Variants in MYO1D observed in about 807,000 individuals in gnomAD.
MYO1D encodes unconventional myosin-Id.
In MYO1D, 83 loss-of-function variants were observed where a neutral mutation model predicts 122.0. That is an observed-to-expected ratio of 0.68 (90% CI 0.57 to 0.82). The LOEUF (loss-of-function observed/expected upper bound fraction) is 0.82. Among genes scored for constraint, MYO1D ranks in the 40% least tolerant of loss-of-function variants. The pLI, the probability that MYO1D is intolerant of heterozygous loss-of-function variation, is 0.00. For missense variants in MYO1D, 1,157 were observed against 1,269.5 expected (o/e 0.91, Z 1.35); for synonymous variants, 464 against 446.9 (o/e 1.04, Z -0.48).
chr17:32,601,100 C>T (rs2087557311), intron 21 of MYO1D, among the ~76,000 whole-genome samples: 2 of 152,106 alleles, frequency 1.3e-5, no homozygotes, highest in South Asian at 4.2e-4. Context: ...GCTTGACTAA[C>T]TTTTAAATTT....
intron 14 of MYO1D, among the ~76,000 whole-genome samples, chr17:32,721,583 T>C (rs578045942): frequency 3.3e-5 from 5 of 152,338 alleles, no homozygotes; most frequent in South Asian, 4.1e-4. Flanking sequence ...GGACATTCTT[T>C]GTTAATGTTA....
At chr17:32,536,271 G>A (rs1242427594) in intron 21 of MYO1D, among the ~76,000 whole-genome samples, 1 of 152,110 alleles carries the variant, frequency 6.6e-6, no homozygotes, top group East Asian at 1.9e-4. Context: ...CTGACCTCAA[G>A]TGATCCATCC....
chr17:32,873,188 A>C (rs1250734405), intron 1 of MYO1D, among the ~76,000 whole-genome samples: 1 of 152,218 alleles, frequency 6.6e-6, no homozygotes, highest in African/African-American at 2.4e-5. Flanking sequence ...CCTCTCTACA[A>C]AAAAATGTTG....
intron 19 of MYO1D, among the ~76,000 whole-genome samples, chr17:32,645,640 C>A (rs1479049501): frequency 1.3e-5 from 2 of 152,070 alleles, no homozygotes; most frequent in African/African-American, 4.8e-5. Context: ...CTTCTCACTT[C>A]ATTTCATTCA....
chr17:32,875,579 T>A (rs1340958265), intron 1 of MYO1D, among the ~76,000 whole-genome samples: 2 of 152,184 alleles, frequency 1.3e-5, no homozygotes, highest in African/African-American at 4.8e-5. Flanking sequence ...TTATAGCTGA[T>A]GTAGAGGTAT....
intron 6 of MYO1D, among the ~76,000 whole-genome samples, chr17:32,769,426 T>C (rs962568002): frequency 2.6e-5 from 4 of 152,300 alleles, no homozygotes; most frequent in Non-Finnish European, 4.4e-5. Flanking sequence ...TTTCTTGTTA[T>C]GCTAGATAAT....
rs899649299 is a variant in MYO1D at position 32,581,717 on chromosome 17, T to A, written c.2864+23370A>T. 2.0e-5 allele frequency among the ~76,000 whole-genome samples: 3 copies of A among 151,352 alleles called. 1 individual carries two copies. The South Asian group carries it at 6.3e-4, about 32-fold the overall frequency. On this transcript the variant is annotated intron_variant, in intron 21 of 21. Transcript: ENST00000318217. ...CCTCCTAACTAGCTGAGAATACAGG[T>A]GCACACCATCATACCTGGCTAATTT... is the stretch of plus-strand genomic sequence containing the variant.
In MYO1D at chr17:32,852,462, C is replaced by A. The variant is rs181154462; in HGVS notation, c.95+24316G>T. On this transcript the variant is annotated intron_variant, in intron 1 of 21. Transcript: ENST00000318217. Reference sequence around the variant, plus strand: ...TTTTACATTTGTTTATGTCTTGTAGCCAAGTTATTCTACTTCTAGGAATCC... The same window carrying A: ...TTTTACATTTGTTTATGTCTTGTAGACAAGTTATTCTACTTCTAGGAATCC... 2.0e-5 allele frequency among the ~76,000 whole-genome samples: 3 copies of A among 152,196 alleles called. No individual in the cohort carries two copies. In the East Asian group the frequency reaches 5.8e-4, roughly 29 times the overall value.
intron 20 of MYO1D, among the ~76,000 whole-genome samples, chr17:32,623,051 AG>A (rs2087873435): frequency 6.6e-6 from 1 of 152,142 alleles, no homozygotes; most frequent in South Asian, 2.1e-4. Context: ...AGGCTATCAG[AG>A]GGGATGGTAA....
At chr17:32,764,528 C>G (rs1258326887) in intron 8 of MYO1D, among the ~76,000 whole-genome samples, 2 of 151,818 alleles carry the variant, frequency 1.3e-5, no homozygotes, top group Admixed American at 1.3e-4. Flanking sequence ...CCCACTGTAC[C>G]CATAAACATA....
At chr17:32,803,676 T>A (rs1458320659) in intron 1 of MYO1D, among the ~76,000 whole-genome samples, 1 of 152,148 alleles carries the variant, frequency 6.6e-6, no homozygotes, top group Admixed American at 6.5e-5. Flanking sequence ...ATACACACTT[T>A]GCAAAACAAT....
intron 20 of MYO1D, among the ~76,000 whole-genome samples, chr17:32,637,640 C>T (rs1192791907): frequency 6.6e-6 from 1 of 152,116 alleles, no homozygotes; most frequent in East Asian, 1.9e-4. Context: ...CACTGCACTC[C>T]AGCCTGGGGG....
rs1037852220 is a variant in MYO1D at position 32,720,115 on chromosome 17, G to T, written c.1913+908C>A. On this transcript the variant is annotated intron_variant, in intron 15 of 21. Transcript: ENST00000318217. Reference sequence around the variant, plus strand: ...TGTAAATTTATATTTATTCATTTTTGGGGGGAAAACTATAGTCGAGATTAT... The same window carrying T: ...TGTAAATTTATATTTATTCATTTTTTGGGGGAAAACTATAGTCGAGATTAT... Among the ~76,000 whole-genome samples, 40 of 147,276 alleles carry T rather than the reference G, an allele frequency of 2.7e-4. 1 individual carries two copies. The highest frequency in any genetic ancestry group is 4.3e-4 in the African/African-American group (16 of 37,386).
chr17:32,767,320 T>A (rs2090068386), intron 7 of MYO1D, among the ~76,000 whole-genome samples: 1 of 152,226 alleles, frequency 6.6e-6, no homozygotes, highest in Non-Finnish European at 1.5e-5. Context: ...ATGTTTCAAA[T>A]GCCACTAGAA....
chr17:32,603,070 T>TTA (rs371430405), intron 21 of MYO1D, among the ~76,000 whole-genome samples: 1 of 148,398 alleles, frequency 6.7e-6, no homozygotes, highest in Non-Finnish European at 1.5e-5. Context: ...CACCAAGAAT[T>TTA]AAAAAAAAAA....
At chr17:32,861,554 C>T (rs1440340874) in intron 1 of MYO1D, among the ~76,000 whole-genome samples, 2 of 152,044 alleles carry the variant, frequency 1.3e-5, no homozygotes, top group African/African-American at 4.8e-5. Flanking sequence ...AATTGCTCCC[C>T]AACATACTTA....
intron 21 of MYO1D, among the ~76,000 whole-genome samples, chr17:32,521,985 G>A (rs1253257390): frequency 1.3e-5 from 2 of 150,182 alleles, no homozygotes; most frequent in African/African-American, 4.9e-5. Context: ...AGGAGGCTGA[G>A]GCAGGAGAAT....
intron 1 of MYO1D, among the ~76,000 whole-genome samples, chr17:32,808,168 G>C (rs1191851282): frequency 6.6e-6 from 1 of 152,064 alleles, no homozygotes; most frequent in Non-Finnish European, 1.5e-5. Context: ...GAGGTCAGGA[G>C]TTCAAGATCA....
At chr17:32,821,040 G>A (rs1211497074) in intron 1 of MYO1D, among the ~76,000 whole-genome samples, 1 of 151,930 alleles carries the variant, frequency 6.6e-6, no homozygotes, top group South Asian at 2.1e-4. Flanking sequence ...CCTTCCACCC[G>A]CTGATAGGCC....
Sources: allele counts gnomAD v4.1 joint callset (sites outside exome capture counted in the v4.1 genomes callset), GRCh38; gene constraint gnomAD v4.1.1; transcripts MANE v1.5; gene names NCBI Gene and HGNC (gene_info 2026-07-23, HGNC 2026-07-21).